Variants in CCDC121 observed in about 807,000 individuals in gnomAD.
CCDC121 encodes the protein coiled-coil domain containing 121, also known as coiled-coil domain-containing protein 121.
For synonymous variants in CCDC121, 108 were observed against 120.0 expected (o/e 0.90, Z 0.65); for missense variants, 238 against 304.1 (o/e 0.78, Z 1.62).
rs1482779187 is a variant in CCDC121 at position 27,627,811 on chromosome 2, T to C, written c.-12A>G. ...TTCAGATCCGTCATTTCCGCCACTA[T>C]CTTTTCTTTAAGCCTTGTCTCTACC... On this transcript the variant is annotated 5_prime_UTR_variant, in exon 2 of 2. Transcript: ENST00000324364. 6.2e-7 allele frequency: 1 copy of C among 1,614,208 alleles called. No individual in the cohort carries two copies. The highest frequency in any genetic ancestry group is 1.1e-5 in the South Asian group (1 of 91,082).
chr2:27,628,313 G>C, intron 1 of CCDC121: 1 of 1,320,990 alleles, frequency 7.6e-7, no homozygotes, highest in Non-Finnish European at 1.0e-6. Context: ...AATTTTCTAG[G>C]CTCTTTCATC....
chr2:27,628,535 G>C (rs767361204), intron 1 of CCDC121: 2 of 1,551,564 alleles, frequency 1.3e-6, no homozygotes, highest in South Asian at 2.4e-5. Context: ...AGCTCCCGTA[G>C]TTTATTCGTT....
rs1673270577 is a variant in CCDC121 at position 27,625,986 on chromosome 2, C to A, written c.*977G>T. Reference sequence around the variant, plus strand: ...TAGAACCCAAAAAAAATATAACTATCCTAAAAATATATAATTTAAAATATA... The same window carrying A: ...TAGAACCCAAAAAAAATATAACTATACTAAAAATATATAATTTAAAATATA... On this transcript the variant is annotated 3_prime_UTR_variant, in exon 2 of 2. Transcript: ENST00000324364. 6.6e-6 allele frequency: 1 copy of A among 151,516 alleles called. No homozygotes were observed. The highest frequency in any genetic ancestry group is 2.4e-5 in the African/African-American group (1 of 41,198). The allele number at this position is 151,516 out of a possible 1,614,324, so 9.4% of individuals were successfully genotyped here.
rs1367992952 is a variant in CCDC121, at chr2:27,625,836, A to G, written c.*1127T>C. On this transcript the variant is annotated 3_prime_UTR_variant, in exon 2 of 2. Coordinates refer to ENST00000324364, the MANE Select transcript of CCDC121 (RefSeq NM_024584.5). ...ATTATTTTGAAGTTTTTCATCACTT[A>G]ACAATTTCTGGGAAACAAAGTTCAT... 1 of 152,304 alleles carries G rather than the reference A, an allele frequency of 6.6e-6. No individual in the cohort carries two copies. Among genetic ancestry groups the G allele is most frequent in the African/African-American group, 2.4e-5 (1 of 41,448 alleles). The allele number at this position is 152,304 out of a possible 1,614,324, so 9.4% of individuals were successfully genotyped here.
chr2:27,627,483 G>T lies in CCDC121; in HGVS notation c.317C>A (p.Ala106Glu). ...IQSSLKRKLQ[A>E]MRDIAILKEK... ...CTTTAATATAGCAATGTCCCTCATT[G>T]CCTGCAACTTCCGCTTCAAACTGGA... The change falls in exon 2 of 2, where the codon GCA (alanine) becomes GAA (glutamate). Residue 106 changes from alanine (A) to glutamate (E), a missense_variant. Physicochemically the swap from Ala to Glu is moderately radical, Grantham distance 107. Transcript: ENST00000324364. The T allele has an allele frequency of 6.2e-7, 1 of 1,614,086 alleles. No homozygotes were observed. Among genetic ancestry groups the T allele is most frequent in the Non-Finnish European group, 8.5e-7 (1 of 1,180,032 alleles).
Position 27,628,971 on chromosome 2 carries a change from G to C in CCDC121, c.-140C>G. 3 of 1,583,148 alleles carry C rather than the reference G, an allele frequency of 1.9e-6. No homozygotes were observed. Among genetic ancestry groups the C allele is most frequent in the Non-Finnish European group, 2.6e-6 (3 of 1,164,354 alleles). ...TCACCCGCTCCTTTCTGACGCTGTGGTGGTTTTCGTTCGCAGCCCAGAACA... is the reference window on the plus strand; with the variant it reads ...TCACCCGCTCCTTTCTGACGCTGTGCTGGTTTTCGTTCGCAGCCCAGAACA... On this transcript the variant is annotated 5_prime_UTR_variant, in exon 1 of 2. Coordinates refer to ENST00000324364, the MANE Select transcript of CCDC121 (RefSeq NM_024584.5).
At position 27,626,859 on chromosome 2, in the gene CCDC121, A is replaced by G. The variant is rs1673293064; in HGVS notation, c.*104T>C. On this transcript the variant is annotated 3_prime_UTR_variant, in exon 2 of 2. Coordinates refer to ENST00000324364, the MANE Select transcript of CCDC121 (RefSeq NM_024584.5). ...TTCACTCCAACACATCATGATGGAG[A>G]TTTTACAATAGCAATCTGGAATCCA... 6.1e-6 allele frequency: 5 copies of G among 821,820 alleles called. No homozygotes were observed. Among genetic ancestry groups the G allele is most frequent in the South Asian group, 3.7e-5 (2 of 54,686 alleles). 50.9% of individuals were successfully genotyped at this position (821,820 alleles called of 1,614,324 possible). A position where few individuals can be genotyped will look rare whatever the true frequency, so the allele number is the denominator to read the frequency against.
At chr2:27,627,943 CTG>C (rs751824349) in intron 1 of CCDC121, 26 bp from the exon 2 acceptor site, 2 of 1,501,532 alleles carry the variant, frequency 1.3e-6, no homozygotes, top group Admixed American at 3.5e-5. Flanking sequence ...AGACATTCCT[CTG>C]TCAGTTAATG....
intron 1 of CCDC121, chr2:27,628,599 T>C (rs1184303302): frequency 2.6e-6 from 4 of 1,551,482 alleles, no homozygotes; most frequent in Non-Finnish European, 2.6e-6. Context: ...TGCACCCTGC[T>C]CCAGTCCCGG....
rs1261505260 is a variant in CCDC121, at chr2:27,626,863, T to C, written c.*100A>G. ...CTCCAACACATCATGATGGAGATTTTACAATAGCAATCTGGAATCCAACAG... is the reference window on the plus strand; with the variant it reads ...CTCCAACACATCATGATGGAGATTTCACAATAGCAATCTGGAATCCAACAG... On this transcript the variant is annotated 3_prime_UTR_variant, in exon 2 of 2. Transcript: ENST00000324364. The C allele has an allele frequency of 1.2e-6, 1 of 845,476 alleles. No homozygotes were observed. The highest frequency in any genetic ancestry group is 1.7e-5 in the African/African-American group (1 of 58,904). 52.4% of individuals were successfully genotyped at this position (845,476 alleles called of 1,614,324 possible).
Position 27,627,638 on chromosome 2 carries a change from A to G in CCDC121, c.162T>C (p.Pro54=), listed in dbSNP as rs372310415. 6.6e-5 allele frequency: 107 copies of G among 1,612,770 alleles called. No individual in the cohort carries two copies. Among genetic ancestry groups the G allele is most frequent in the Non-Finnish European group, 8.9e-5 (105 of 1,179,924 alleles). ...GTAAATAGCTGTTCCATACCTTCTC[A>G]GGTTGCTCTGTGTACTCTTCAGTTT... is the stretch of plus-strand genomic sequence containing the variant. ...TNKTEEYTEQ[P]EKVWNSYLQK... The change falls in exon 2 of 2, where the codon CCT becomes CCC. Residue 54 remains proline (P), a synonymous_variant. Transcript: ENST00000324364.
chr2:27,627,003 C>G lies in CCDC121; in HGVS notation c.797G>C (p.Ser266Thr). 6.2e-7 allele frequency: 1 copy of G among 1,611,342 alleles called. No homozygotes were observed. The highest frequency in any genetic ancestry group is 1.3e-5 in the African/African-American group (1 of 74,942). ...NRQDVPKTTP[S>T]LPQGTKSRIN... ...CCTTGATTTGGTGCCTTGGGGAAGA[C>G]TGGGTGTGGTCTTTGGAACATCCTG... Residue 266 changes from serine (S) to threonine (T), a missense_variant, in exon 2 of 2, where the codon AGT (serine) becomes ACT (threonine). Transcript: ENST00000324364.
intron 1 of CCDC121, chr2:27,628,118 G>A (rs768203717): frequency 6.4e-6 from 4 of 621,774 alleles, no homozygotes; most frequent in Non-Finnish European, 1.1e-5. Context: ...TACAACCCTG[G>A]GAGGTATTAC....
chr2:27,628,846 C>T, intron 1 of CCDC121, 104 bp downstream of exon 1: 3 of 1,467,772 alleles, frequency 2.0e-6, no homozygotes, highest in Non-Finnish European at 2.7e-6. Context: ...TTCAGCCTTC[C>T]TCTCGCTTGC....
chr2:27,628,516 A>T (rs1164520067), intron 1 of CCDC121: 3 of 1,551,366 alleles, frequency 1.9e-6, no homozygotes, highest in Non-Finnish European at 2.6e-6. Context: ...ACAATGTGCA[A>T]GTGTGGAAAG....
Position 27,627,244 on chromosome 2 carries a change from G to T in CCDC121, c.556C>A (p.Arg186=). ...KAQALKLAAK[R]FIFEYSCGIN... ...CCACAGGAGTATTCAAAAATAAACC[G>T]CTTTGCTGCCAACTTCAAGGCCTGG... The change falls in exon 2 of 2, where the codon CGG becomes AGG. Residue 186 remains arginine (R), a synonymous_variant. Coordinates refer to ENST00000324364, the MANE Select transcript of CCDC121 (RefSeq NM_024584.5). 1 of 1,613,928 alleles carries T rather than the reference G, an allele frequency of 6.2e-7. No individual in the cohort carries two copies. Among genetic ancestry groups the T allele is most frequent in the Non-Finnish European group, 8.5e-7 (1 of 1,179,866 alleles).
intron 1 of CCDC121, 109 bp downstream of exon 1, chr2:27,628,841 C>T: frequency 6.8e-7 from 1 of 1,471,384 alleles, no homozygotes; most frequent in Non-Finnish European, 9.0e-7. Context: ...CTCCCTTCAG[C>T]CTTCCTCTCG....
chr2:27,628,302 T>C, intron 1 of CCDC121: 2 of 1,255,740 alleles, frequency 1.6e-6, no homozygotes, highest in Non-Finnish European at 2.2e-6. Flanking sequence ...GGAGTAGAAA[T>C]AATTTTCTAG....
intron 1 of CCDC121, chr2:27,628,360 G>C: frequency 6.6e-7 from 1 of 1,522,498 alleles, no homozygotes; most frequent in Non-Finnish European, 8.8e-7. Flanking sequence ...TCAGTGACTG[G>C]AGGGGAGGAA....
Sources: allele counts gnomAD v4.1 joint callset, GRCh38; gene constraint gnomAD v4.1.1; transcripts MANE v1.5; gene names NCBI Gene and HGNC (gene_info 2026-07-23, HGNC 2026-07-21).